Variants in DAGLB observed in about 807,000 individuals in gnomAD.
DAGLB encodes diacylglycerol lipase beta.
A neutral mutation model predicts 72.1 loss-of-function variants in DAGLB; 66 were observed. The ratio of observed to expected loss-of-function variants is 0.92; its 90% CI spans 0.75 to 1.12. The LOEUF is 1.12. Ranked by LOEUF, DAGLB falls within the 50% of genes most tolerant of loss-of-function variation. The pLI, the probability that DAGLB is intolerant of heterozygous loss-of-function variation, is 0.00. For synonymous variants in DAGLB, 414 were observed against 359.5 expected, an observed-to-expected ratio of 1.15 and a Z score of -1.71; for missense variants, 1,065 against 884.9, an observed-to-expected ratio of 1.20 and a Z score of -2.58.
chr7:6,414,495 G>A (rs138847737), intron 11 of DAGLB, among the ~76,000 whole-genome samples: 3 of 151,622 alleles, frequency 2.0e-5, no homozygotes, highest in Admixed American at 6.6e-5. Context: ...GTAAGGAACC[G>A]GGTCTATGTT....
chr7:6,426,282 C>A (rs1287555397), intron 6 of DAGLB, among the ~76,000 whole-genome samples, 168 bp from the exon 7 acceptor site: 1 of 152,170 alleles, frequency 6.6e-6, no homozygotes, highest in Non-Finnish European at 1.5e-5. Flanking sequence ...GATCGACTGA[C>A]TGATTGAGAT....
chr7:6,415,983 T>C (rs980294975), intron 11 of DAGLB, among the ~76,000 whole-genome samples: 4 of 151,094 alleles, frequency 2.6e-5, no homozygotes, highest in Non-Finnish European at 5.9e-5. Flanking sequence ...CTGGGCGATG[T>C]GCCTACCAGG....
intron 11 of DAGLB, among the ~76,000 whole-genome samples, chr7:6,415,932 C>T (rs1038857617): frequency 1.3e-5 from 2 of 151,996 alleles, no homozygotes; most frequent in African/African-American, 4.8e-5. Flanking sequence ...GGGCATATGC[C>T]CCCCGAGAGG....
chr7:6,424,378 A>G (rs1465430809), intron 8 of DAGLB, among the ~76,000 whole-genome samples: 1 of 152,096 alleles, frequency 6.6e-6, no homozygotes, highest in Non-Finnish European at 1.5e-5. Flanking sequence ...GACTCTCTGC[A>G]GCAAGACTGA....
rs748156438 is a variant in DAGLB at position 6,446,477 on chromosome 7, C to CAAAAAAAAAAAAAAAAAAAAAAA, written c.96-396_96-374dup. Among the ~76,000 whole-genome samples the CAAAAAAAAAAAAAAAAAAAAAAA allele has an allele frequency of 3.4e-5, 2 of 58,636 alleles. 1 individual carries two copies. Among genetic ancestry groups the CAAAAAAAAAAAAAAAAAAAAAAA allele is most frequent in the Non-Finnish European group, 5.8e-5 (2 of 34,698 alleles). The allele number at this position is 58,636 out of a possible 152,430, so 38.5% of individuals were successfully genotyped here. A position where few individuals can be genotyped will look rare whatever the true frequency, so the allele number is the denominator to read the frequency against. On this transcript the variant is annotated intron_variant, in intron 1 of 14. Transcript: ENST00000297056. ...TGGGCAACGATATGAGACTCCGTCT[C>CAAAAAAAAAAAAAAAAAAAAAAA]AAAAAAAAAAAAAAAAAAAAAAAAA...
chr7:6,431,685 T>C (rs1252420055), intron 5 of DAGLB, among the ~76,000 whole-genome samples: 1 of 152,064 alleles, frequency 6.6e-6, no homozygotes, highest in East Asian at 1.9e-4. Context: ...GGCAGGAGAA[T>C]TGCTTGAAGT....
rs767427403 is a variant in DAGLB at position 6,425,995 on chromosome 7, T to C, written c.1049A>G (p.His350Arg). 1.2e-6 allele frequency: 2 copies of C among 1,614,092 alleles called. No homozygotes were observed. The highest frequency in any genetic ancestry group is 1.7e-5 in the Admixed American group (1 of 60,022). ...TGTCTGCAGCGTCCACACCTTGTCA[T>C]GGAAGCTGACGTGGATGAAGTCCCT... Reference protein sequence around the residue: ...QYRDFIHVSFHDKVYELPFLV... With the variant: ...QYRDFIHVSFRDKVYELPFLV... The change falls in exon 7 of 15, where the codon CAT (histidine) becomes CGT (arginine). Residue 350 changes from histidine (H) to arginine (R), a missense_variant. Coordinates refer to ENST00000297056, the MANE Select transcript of DAGLB (RefSeq NM_139179.4).
At chr7:6,440,986 G>C (rs907900122) in intron 2 of DAGLB, among the ~76,000 whole-genome samples, 1 of 151,598 alleles carries the variant, frequency 6.6e-6, no homozygotes, top group Non-Finnish European at 1.5e-5. Context: ...GGGGGACGGA[G>C]TTTCCCTCTT....
intron 9 of DAGLB, among the ~76,000 whole-genome samples, chr7:6,418,893 T>C (rs1784011904): frequency 6.6e-6 from 1 of 152,012 alleles, no homozygotes; most frequent in Non-Finnish European, 1.5e-5. Flanking sequence ...CTCCATCTCC[T>C]GACCTCGTGA....
intron 13 of DAGLB, among the ~76,000 whole-genome samples, chr7:6,411,286 G>A (rs1783719109): frequency 6.6e-6 from 1 of 152,054 alleles, no homozygotes; most frequent in Non-Finnish European, 1.5e-5. Flanking sequence ...TGGGATTACA[G>A]GCGTGAGCCA....
At chr7:6,438,813 C>A (rs73342955) in intron 2 of DAGLB, among the ~76,000 whole-genome samples, 3 of 152,052 alleles carry the variant, frequency 2.0e-5, no homozygotes, top group Non-Finnish European at 4.4e-5. Flanking sequence ...TTCGAGACCA[C>A]GCTGGGGAAC....
intron 2 of DAGLB, among the ~76,000 whole-genome samples, chr7:6,444,558 C>T (rs1041938547): frequency 1.3e-5 from 2 of 152,064 alleles, no homozygotes; most frequent in African/African-American, 4.8e-5. Context: ...GCAGAGAGCA[C>T]GCCACTGCAC....
At chr7:6,431,210 T>C (rs1784478419) in intron 5 of DAGLB, among the ~76,000 whole-genome samples, 2 of 151,918 alleles carry the variant, frequency 1.3e-5, no homozygotes, top group Non-Finnish European at 2.9e-5. Context: ...TACATTTCCA[T>C]GCCACTGCCA....
At chr7:6,429,887 A>C (rs1784424542) in intron 6 of DAGLB, among the ~76,000 whole-genome samples, 5 of 152,082 alleles carry the variant, frequency 3.3e-5, no homozygotes, top group Admixed American at 3.3e-4. Flanking sequence ...TACTAAAAAT[A>C]CAAAAAATTA....
chr7:6,409,919 C>A lies in DAGLB; in HGVS notation c.1937G>T (p.Arg646Leu). The A allele has an allele frequency of 1.2e-6, 2 of 1,614,098 alleles. No homozygotes were observed. The highest frequency in any genetic ancestry group is 2.2e-5 in the East Asian group (1 of 44,874). Reference protein sequence around the residue: ...LTDHMPDILMRALDSVVSDRA... With the variant: ...LTDHMPDILMLALDSVVSDRA... The stretch of plus-strand genomic sequence containing the variant: ...GTCGGAGACCACGCTGTCCAAGGCC[C>A]GCATCAGGATGTCTGGCATGTGGTC... Residue 646 changes from arginine (R) to leucine (L), a missense_variant, in exon 15 of 15, where the codon CGG becomes CTG. Arg to Leu is a moderately radical substitution (Grantham distance 102). Transcript: ENST00000297056.
At chr7:6,428,756 G>C (rs1784390990) in intron 6 of DAGLB, among the ~76,000 whole-genome samples, 1 of 152,140 alleles carries the variant, frequency 6.6e-6, no homozygotes, top group Middle Eastern at 3.4e-3. Flanking sequence ...CAAAGTGCTG[G>C]GATTATAGGC....
intron 2 of DAGLB, among the ~76,000 whole-genome samples, chr7:6,445,249 G>A (rs1001166334): frequency 6.6e-6 from 1 of 152,112 alleles, no homozygotes; most frequent in African/African-American, 2.4e-5. Flanking sequence ...AATGGCAAAG[G>A]GATAAATAAA....
rs574435952 is a variant in DAGLB, at chr7:6,430,108, G to A, written c.929+372C>T. Among the ~76,000 whole-genome samples, 6 of 151,712 alleles carry A rather than the reference G, an allele frequency of 4.0e-5. No homozygotes were observed. In the East Asian group the frequency reaches 1.2e-3, roughly 29 times the overall value. ...TAATTCCAACTACTCAGGAGGCTGA[G>A]CCAGTAGCACCGCTTGAGCCTGGGA... On this transcript the variant is annotated intron_variant, in intron 6 of 14. Transcript: ENST00000297056.
At chr7:6,428,675 C>G (rs1038108842) in intron 6 of DAGLB, among the ~76,000 whole-genome samples, 1 of 151,958 alleles carries the variant, frequency 6.6e-6, no homozygotes. Context: ...TTAGTAGAGA[C>G]GGGGTGTCAC....
Sources: gnomAD v4.1 joint callset for allele counts (sites outside exome capture counted in the v4.1 genomes callset) on GRCh38, gnomAD v4.1.1 for gene constraint, MANE v1.5 for transcripts, NCBI Gene and HGNC (gene_info 2026-07-23, HGNC 2026-07-21) for gene names.